GRIN2B: variants seen among roughly 807,000 people sequenced by gnomAD.
GRIN2B encodes the protein glutamate receptor ionotropic, NMDA 2B.
A neutral mutation model predicts 114.5 loss-of-function variants in GRIN2B; 5 were observed. The observed-to-expected ratio is 0.04, with a 90% CI of 0.02 to 0.09. The LOEUF (loss-of-function observed/expected upper bound fraction) is 0.09. GRIN2B is among the 10% of genes least tolerant of loss of function. GRIN2B has a pLI of 1.00. For missense variants in GRIN2B, 1,108 were observed against 1,943.5 expected (o/e 0.57, Z 8.08); for synonymous variants, 787 against 745.1 (o/e 1.06, Z -0.92).
chr12:13,551,450 T>G lies in GRIN2B; in HGVS notation c.*11333A>C, dbSNP rs1948412304. The G allele has an allele frequency of 6.6e-6, 1 of 152,122 alleles. No homozygotes were observed. The highest frequency in any genetic ancestry group is 6.6e-5 in the Admixed American group (1 of 15,266). 9.4% of individuals were successfully genotyped at this position (152,122 alleles called of 1,614,324 possible). The stretch of plus-strand genomic sequence containing the variant: ...AAATGGAGACGATAACTAGGTTGTT[T>G]CATCACAAAGAACATGCTGCCTTCA... On this transcript the variant is annotated 3_prime_UTR_variant, in exon 14 of 14. Coordinates refer to ENST00000609686, the MANE Select transcript of GRIN2B (RefSeq NM_000834.5).
At chr12:13,638,406 A>C (rs1021058742) in intron 5 of GRIN2B, among the ~76,000 whole-genome samples, 3 of 152,138 alleles carry the variant, frequency 2.0e-5, no homozygotes, top group African/African-American at 7.2e-5. Flanking sequence ...TGAATGCATA[A>C]GTACATACTG....
chr12:13,707,877 A>C (rs2136576482), intron 4 of GRIN2B, among the ~76,000 whole-genome samples: 1 of 152,266 alleles, frequency 6.6e-6, no homozygotes, highest in Admixed American at 6.5e-5. Context: ...ATATACAGCA[A>C]GTTTACTGGG....
Position 13,562,707 on chromosome 12 carries a change from ACCC to A in GRIN2B, c.*73_*75del. On this transcript the variant is annotated 3_prime_UTR_variant, in exon 14 of 14. Transcript: ENST00000609686. ...AATGGGAACCAAGTTCACCCCCGTC[ACCC>A]TCCGTGACATGCGCATCACGCGACC... The A allele has an allele frequency of 5.1e-6, 6 of 1,187,708 alleles. No homozygotes were observed. The highest frequency in any genetic ancestry group is 7.6e-6 in the Non-Finnish European group (6 of 792,714). The allele number at this position is 1,187,708 out of a possible 1,614,324, so 73.6% of individuals were successfully genotyped here.
rs573408304 is a variant in GRIN2B, at chr12:13,846,486, T to C, written c.411+19312A>G. 3.0e-4 allele frequency among the ~76,000 whole-genome samples: 46 copies of C among 152,344 alleles called. 1 individual carries two copies. Among genetic ancestry groups the C allele is most frequent in the Admixed American group, 2.0e-3 (30 of 15,298 alleles). ...ATGAGGTTGAGACTTCTATAGACTTTATTGTTGCATCTCTACCTCAAATCC... is the reference window on the plus strand; with the variant it reads ...ATGAGGTTGAGACTTCTATAGACTTCATTGTTGCATCTCTACCTCAAATCC... On this transcript the variant is annotated intron_variant, in intron 3 of 13. Coordinates refer to ENST00000609686, the MANE Select transcript of GRIN2B (RefSeq NM_000834.5).
At chr12:13,800,764 C>G (rs1387494603) in intron 3 of GRIN2B, among the ~76,000 whole-genome samples, 1 of 152,128 alleles carries the variant, frequency 6.6e-6, no homozygotes, top group Non-Finnish European at 1.5e-5. Context: ...TATGAATGTA[C>G]GTCATGATTT....
chr12:13,557,563 C>T lies in GRIN2B; in HGVS notation c.*5220G>A, dbSNP rs1411035341. The T allele has an allele frequency of 4.6e-5, 7 of 152,192 alleles. No individual in the cohort carries two copies. The highest frequency in any genetic ancestry group is 1.4e-4 in the African/African-American group (6 of 41,440). 9.4% of individuals were successfully genotyped at this position (152,192 alleles called of 1,614,324 possible). A position where few individuals can be genotyped will look rare whatever the true frequency, so the allele number is the denominator to read the frequency against. ...TTTCTATGGAAAGAATCATAGTTCT[C>T]AACCTGCCCTACAAGATACTGAATT... is the stretch of plus-strand genomic sequence containing the variant. On this transcript the variant is annotated 3_prime_UTR_variant, in exon 14 of 14. Coordinates refer to ENST00000609686, the MANE Select transcript of GRIN2B (RefSeq NM_000834.5).
At chr12:13,725,871 T>C (rs1164004821) in intron 4 of GRIN2B, among the ~76,000 whole-genome samples, 1 of 152,006 alleles carries the variant, frequency 6.6e-6, no homozygotes, top group Non-Finnish European at 1.5e-5. Context: ...GGTGAGCGCA[T>C]GGGGTTAACT....
At chr12:13,627,627 C>T (rs1820204514) in intron 5 of GRIN2B, among the ~76,000 whole-genome samples, 1 of 152,216 alleles carries the variant, frequency 6.6e-6, no homozygotes, top group Non-Finnish European at 1.5e-5. Flanking sequence ...AAGGAAGAAG[C>T]AGCAGGGGGC....
chr12:13,979,098 T>C (rs993611890), intron 2 of GRIN2B, among the ~76,000 whole-genome samples: 3 of 152,210 alleles, frequency 2.0e-5, no homozygotes, highest in Non-Finnish European at 4.4e-5. Flanking sequence ...GATAGCCATT[T>C]TGCAAGAGTG....
chr12:13,570,689 G>C (rs1806196), intron 11 of GRIN2B, among the ~76,000 whole-genome samples: 53,048 of 151,982 alleles, frequency 0.35, 10,873 homozygotes, highest in Middle Eastern at 0.55. Flanking sequence ...TTGCAAGGCA[G>C]AAATACATAA....
chr12:13,793,172 C>T lies in GRIN2B; in HGVS notation c.412-39257G>A, dbSNP rs1484359448. Among the ~76,000 whole-genome samples the T allele has an allele frequency of 2.0e-5, 3 of 152,118 alleles. No individual in the cohort carries two copies. In the South Asian group the frequency reaches 6.2e-4, roughly 32 times the overall value. On this transcript the variant is annotated intron_variant, in intron 3 of 13. Coordinates refer to ENST00000609686, the MANE Select transcript of GRIN2B (RefSeq NM_000834.5). Reference sequence around the variant, plus strand: ...CTGTAATCCCAGCACTTTGGGAGGCCGAGGCGAGCAGATGGCATGAGGCCA... The same window carrying T: ...CTGTAATCCCAGCACTTTGGGAGGCTGAGGCGAGCAGATGGCATGAGGCCA...
intron 10 of GRIN2B, among the ~76,000 whole-genome samples, chr12:13,573,370 G>C (rs1756373534): frequency 6.7e-6 from 1 of 149,160 alleles, no homozygotes; most frequent in Non-Finnish European, 1.5e-5. Flanking sequence ...AGAATGGCAT[G>C]AACCCAGGAG....
intron 2 of GRIN2B, among the ~76,000 whole-genome samples, chr12:13,913,193 G>A (rs7311110): frequency 0.15 from 22,295 of 152,144 alleles, 1,770 homozygotes; most frequent in Middle Eastern, 0.24. Context: ...CGCTTACCAT[G>A]TTTCCTTTTC....
At chr12:13,602,205 G>T (rs193076023) in intron 10 of GRIN2B, among the ~76,000 whole-genome samples, 13 of 152,290 alleles carry the variant, frequency 8.5e-5, no homozygotes, top group Admixed American at 7.8e-4. Flanking sequence ...ACATTTTTCA[G>T]ATCTGCTCTT....
intron 2 of GRIN2B, among the ~76,000 whole-genome samples, chr12:13,911,253 G>T (rs1454262995): frequency 1.3e-5 from 2 of 152,060 alleles, no homozygotes; most frequent in Non-Finnish European, 2.9e-5. Context: ...TGATAGTTTT[G>T]AATAAGAAAT....
At chr12:13,737,035 A>AC (rs1162839964) in intron 4 of GRIN2B, among the ~76,000 whole-genome samples, 2 of 147,256 alleles carry the variant, frequency 1.4e-5, no homozygotes, top group East Asian at 4.1e-4. Flanking sequence ...CATCTCAAAA[A>AC]AAAAAAAAAA....
intron 5 of GRIN2B, among the ~76,000 whole-genome samples, chr12:13,629,884 T>A (rs1250904126): frequency 6.6e-6 from 1 of 152,208 alleles, no homozygotes; most frequent in Admixed American, 6.5e-5. Flanking sequence ...CTCAGTAGCA[T>A]CTATGCCAAG....
chr12:13,660,089 G>C (rs1949906377), intron 5 of GRIN2B, among the ~76,000 whole-genome samples: 1 of 152,156 alleles, frequency 6.6e-6, no homozygotes, highest in Admixed American at 6.5e-5. Context: ...GCTTCCCTTA[G>C]AGCAAGGGAT....
intron 3 of GRIN2B, among the ~76,000 whole-genome samples, chr12:13,827,021 G>GTTT (rs140999042): frequency 7.0e-6 from 1 of 143,148 alleles, no homozygotes; most frequent in African/African-American, 2.6e-5. Flanking sequence ...TTGTTGAGAG[G>GTTT]TTTTTTTTTT....
Sources: allele counts gnomAD v4.1 joint callset (sites outside exome capture counted in the v4.1 genomes callset), GRCh38; gene constraint gnomAD v4.1.1; transcripts MANE v1.5; gene names NCBI Gene and HGNC (gene_info 2026-07-23, HGNC 2026-07-21).